The following WDPCP variants were observed in gnomAD, a reference collection of about 807,000 sequenced individuals.
WDPCP encodes the protein WD repeat containing planar cell polarity effector.
Under a neutral mutation model 93.1 loss-of-function variants are expected in WDPCP, and 71 were observed. The observed-to-expected ratio is 0.76, with a 90% CI of 0.63 to 0.93. The LOEUF is 0.93. Among genes scored for constraint, WDPCP ranks in the 40% least tolerant of loss-of-function variants. WDPCP has a pLI of 0.00. For missense variants in WDPCP, 844 were observed against 887.4 expected (o/e 0.95, Z 0.62); for synonymous variants, 315 against 315.0 (o/e 1.00, Z 0.00).
At chr2:63,662,357 C>T (rs959201754) in intron 2 of WDPCP, among the ~76,000 whole-genome samples, 6 of 152,060 alleles carry the variant, frequency 3.9e-5, no homozygotes, top group African/African-American at 1.4e-4. Flanking sequence ...CTACGTTTAC[C>T]ACATGGTCTG....
chr2:63,261,177 T>G (rs1407408430), intron 13 of WDPCP, among the ~76,000 whole-genome samples: 3 of 122,446 alleles, frequency 2.5e-5, no homozygotes, highest in Admixed American at 8.9e-5. Flanking sequence ...TCGAAAGGTT[T>G]TTTTTTTTTC....
chr2:63,326,401 A>G (rs1384110141), intron 12 of WDPCP, among the ~76,000 whole-genome samples: 1 of 152,164 alleles, frequency 6.6e-6, no homozygotes, highest in African/African-American at 2.4e-5. Context: ...ATAGTTAGTG[A>G]TGTAACTGTA....
intron 12 of WDPCP, 140 bp from the exon 13 acceptor site, chr2:63,313,451 T>G: frequency 3.6e-6 from 3 of 835,556 alleles, no homozygotes; most frequent in African/African-American, 1.7e-5. Flanking sequence ...GGATTTGGCC[T>G]ACTAGGATCT....
chr2:63,592,818 A>C (rs1709225579), upstream of WDPCP, among the ~76,000 whole-genome samples: 1 of 152,150 alleles, frequency 6.6e-6, no homozygotes, highest in African/African-American at 2.4e-5. Flanking sequence ...TGTTCTAGGC[A>C]ATTGAGATAC....
At chr2:63,246,124 A>G (rs1313923526) in intron 14 of WDPCP, among the ~76,000 whole-genome samples, 1 of 152,174 alleles carries the variant, frequency 6.6e-6, no homozygotes, top group East Asian at 1.9e-4. Context: ...TACCAATGAC[A>G]GAAGAACTCT....
intron 12 of WDPCP, among the ~76,000 whole-genome samples, chr2:63,345,111 T>C (rs1401214761): frequency 6.6e-6 from 1 of 152,334 alleles, no homozygotes. Context: ...CTGTGTTTAA[T>C]GATATCACTC....
chr2:63,371,743 T>C (rs1238982933), intron 12 of WDPCP, among the ~76,000 whole-genome samples: 3 of 152,268 alleles, frequency 2.0e-5, no homozygotes, highest in Non-Finnish European at 2.9e-5. Context: ...GGGCCAAGGC[T>C]AAGGCTAGGA....
intron 14 of WDPCP, among the ~76,000 whole-genome samples, chr2:63,181,180 GCAGAAGCTCTTTA>G (rs1674213610): frequency 6.6e-6 from 1 of 151,902 alleles, no homozygotes; most frequent in South Asian, 2.1e-4. Flanking sequence ...TTTTCGCTTT[GCAGAAGCTCTTTA>G]GTTGAATTAA....
chr2:63,426,366 G>A (rs912383431), intron 9 of WDPCP, among the ~76,000 whole-genome samples: 1 of 151,788 alleles, frequency 6.6e-6, no homozygotes, highest in African/African-American at 2.4e-5. Context: ...CAAAACAAAT[G>A]GCAGAAGAAA....
intron 1 of WDPCP, among the ~76,000 whole-genome samples, chr2:63,503,196 G>T (rs1301322663): frequency 6.6e-6 from 1 of 152,120 alleles, no homozygotes. Flanking sequence ...TTGACATTTA[G>T]ACAATTTATC....
intron 9 of WDPCP, among the ~76,000 whole-genome samples, chr2:63,425,059 T>C (rs920299909): frequency 2.6e-5 from 4 of 152,156 alleles, no homozygotes; most frequent in Admixed American, 6.5e-5. Flanking sequence ...AAAAATACTC[T>C]TCCAGTATAC....
intron 1 of WDPCP, among the ~76,000 whole-genome samples, chr2:63,494,777 G>A (rs1474948641): frequency 4.6e-5 from 7 of 152,202 alleles, no homozygotes; most frequent in African/African-American, 1.4e-4. Context: ...AAAATTAGCC[G>A]GGCGTGGTGG....
At chr2:63,131,585 A>C (rs1670295082) in intron 17 of WDPCP, among the ~76,000 whole-genome samples, 2 of 152,158 alleles carry the variant, frequency 1.3e-5, no homozygotes, top group Admixed American at 6.5e-5. Flanking sequence ...CAAGAATTAA[A>C]AGTGGATTTG....
At chr2:63,666,354 G>T (rs1227574269) in intron 2 of WDPCP, among the ~76,000 whole-genome samples, 2 of 152,168 alleles carry the variant, frequency 1.3e-5, no homozygotes, top group Non-Finnish European at 2.9e-5. Flanking sequence ...TGATTTCACT[G>T]CCTGCTGTGT....
At chr2:63,528,686 G>A (rs1389502715) in intron 1 of WDPCP, among the ~76,000 whole-genome samples, 3 of 151,916 alleles carry the variant, frequency 2.0e-5, no homozygotes, top group South Asian at 2.1e-4. Flanking sequence ...TAGGATTGAC[G>A]TGGCAATGTG....
At chr2:63,659,467 T>C (rs897033620) in intron 2 of WDPCP, among the ~76,000 whole-genome samples, 1 of 152,062 alleles carries the variant, frequency 6.6e-6, no homozygotes, top group Non-Finnish European at 1.5e-5. Flanking sequence ...AAGAGAGGGA[T>C]ATTATATCAA....
At chr2:63,434,352 C>T (rs746923492) in intron 8 of WDPCP, among the ~76,000 whole-genome samples, 8 of 151,564 alleles carry the variant, frequency 5.3e-5, no homozygotes, top group Non-Finnish European at 8.8e-5. Flanking sequence ...TGACTGACAA[C>T]AAAAAAAGGA....
At chr2:63,823,586 G>C (rs1226565569) in intron 1 of WDPCP, among the ~76,000 whole-genome samples, 2 of 152,148 alleles carry the variant, frequency 1.3e-5, no homozygotes, top group Non-Finnish European at 1.5e-5. Context: ...AGAATCACTA[G>C]AGTAACATTT....
intron 14 of WDPCP, among the ~76,000 whole-genome samples, chr2:63,222,635 G>A (rs1304168170): frequency 1.3e-5 from 2 of 152,168 alleles, no homozygotes; most frequent in Admixed American, 1.3e-4. Context: ...TTAAGGCAGT[G>A]CCTGGAGGTG....
Sources: gnomAD v4.1 joint callset for allele counts (sites outside exome capture counted in the v4.1 genomes callset) on GRCh38, gnomAD v4.1.1 for gene constraint, MANE v1.5 for transcripts, NCBI Gene and HGNC (gene_info 2026-07-23, HGNC 2026-07-21) for gene names.